The following NFIB variants were observed in gnomAD, a reference collection of about 807,000 sequenced individuals.
NFIB encodes nuclear factor 1 B-type.
A neutral mutation model predicts 61.5 loss-of-function variants in NFIB; 11 were observed. That is an observed-to-expected ratio of 0.18 (90% CI 0.11 to 0.30). The LOEUF is 0.30. Among genes scored for constraint, NFIB ranks in the 10% least tolerant of loss-of-function variants. NFIB has a pLI of 1.00. For synonymous variants in NFIB, 260 were observed against 216.5 expected (o/e 1.20, Z -1.76); for missense variants, 471 against 608.9 (o/e 0.77, Z 2.38).
At chr9:14,250,422 TA>T (rs2055464091) in intron 2 of NFIB, among the ~76,000 whole-genome samples, 1 of 152,200 alleles carries the variant, frequency 6.6e-6, no homozygotes, top group South Asian at 2.1e-4. Context: ...ATTAAAGCCT[TA>T]GCTCAAAAGG....
intron 2 of NFIB, among the ~76,000 whole-genome samples, chr9:14,232,165 A>T (rs967383371): frequency 1.3e-5 from 2 of 152,214 alleles, no homozygotes; most frequent in Non-Finnish European, 2.9e-5. Context: ...GTAAGAATGA[A>T]ATGGGTTCAT....
At chr9:14,346,220 G>T (rs1326384070) in intron 1 of NFIB, among the ~76,000 whole-genome samples, 1 of 151,966 alleles carries the variant, frequency 6.6e-6, no homozygotes, top group Non-Finnish European at 1.5e-5. Context: ...TCATGCGGAG[G>T]GGAGAGGATT....
chr9:14,507,097 G>C, the NFIB span, among the ~76,000 whole-genome samples: 1 of 152,266 alleles, frequency 6.6e-6, no homozygotes, highest in South Asian at 2.1e-4. Context: ...GCAATGCACA[G>C]TAGCTAACAA....
At chr9:14,164,703 C>A (rs1420011374) in intron 3 of NFIB, among the ~76,000 whole-genome samples, 1 of 152,036 alleles carries the variant, frequency 6.6e-6, no homozygotes, top group Non-Finnish European at 1.5e-5. Flanking sequence ...CTAAAAGTAA[C>A]CAAAATTGAG....
At chr9:14,139,637 G>A (rs1387781953) in intron 6 of NFIB, among the ~76,000 whole-genome samples, 1 of 152,114 alleles carries the variant, frequency 6.6e-6, no homozygotes, top group African/African-American at 2.4e-5. Flanking sequence ...ATATGAGCAC[G>A]ACTTTTCCAT....
intron 6 of NFIB, among the ~76,000 whole-genome samples, chr9:14,140,892 G>C (rs1329439949): frequency 6.6e-6 from 1 of 152,142 alleles, no homozygotes; most frequent in Non-Finnish European, 1.5e-5. Context: ...CCATGATCGT[G>C]CCGCTGCACT....
intron 6 of NFIB, among the ~76,000 whole-genome samples, chr9:14,137,005 T>C (rs1216283034): frequency 1.3e-5 from 2 of 152,180 alleles, no homozygotes; most frequent in Non-Finnish European, 2.9e-5. Context: ...GGCATATTTA[T>C]TATCCTAATG....
At chr9:14,454,233 T>C in the NFIB span, among the ~76,000 whole-genome samples, 2 of 152,214 alleles carry the variant, frequency 1.3e-5, no homozygotes, top group East Asian at 1.9e-4. Flanking sequence ...AATAATGTAA[T>C]TGAAAAGTTA....
At chr9:14,457,180 T>A in the NFIB span, among the ~76,000 whole-genome samples, 2 of 152,144 alleles carry the variant, frequency 1.3e-5, no homozygotes, top group East Asian at 3.8e-4. Flanking sequence ...AAAAACATAT[T>A]AGGAGCTAAT....
At chr9:14,415,906 G>A in the NFIB span, among the ~76,000 whole-genome samples, 1 of 152,152 alleles carries the variant, frequency 6.6e-6, no homozygotes, top group Non-Finnish European at 1.5e-5. Context: ...ACTGAGCCAT[G>A]AGCAAATCTG....
chr9:14,340,126 C>T (rs1371587616), intron 1 of NFIB, among the ~76,000 whole-genome samples: 5 of 152,156 alleles, frequency 3.3e-5, no homozygotes, highest in Admixed American at 6.5e-5. Context: ...AACTTTCAGT[C>T]CTGTGCTGTT....
chr9:14,251,091 C>T (rs756886741), intron 2 of NFIB, among the ~76,000 whole-genome samples: 5 of 152,098 alleles, frequency 3.3e-5, no homozygotes, highest in Non-Finnish European at 4.4e-5. Context: ...TTTTAAAAAG[C>T]AAACTAGAAA....
At position 14,272,148 on chromosome 9, in the gene NFIB, T is replaced by G. The variant is rs2057670090; in HGVS notation, c.562+34841A>C. On this transcript the variant is annotated intron_variant, in intron 2 of 10. Coordinates refer to ENST00000380953, the MANE Select transcript of NFIB (RefSeq NM_001190737.2). ...TTCATACTATTAAAAGGCGCAAGTT[T>G]CCATTATACGTTTTGAACAAACTTA... 3.3e-5 allele frequency among the ~76,000 whole-genome samples: 5 copies of G among 152,158 alleles called. No homozygotes were observed. The South Asian group carries it at 1.0e-3, about 31-fold the overall frequency.
At chr9:14,420,945 G>A in the NFIB span, among the ~76,000 whole-genome samples, 1 of 151,868 alleles carries the variant, frequency 6.6e-6, no homozygotes, top group African/African-American at 2.4e-5. Flanking sequence ...ACCACTGAGA[G>A]TAAGCCATTT....
chr9:14,163,941 T>A (rs910786847), intron 3 of NFIB, among the ~76,000 whole-genome samples: 4 of 149,412 alleles, frequency 2.7e-5, no homozygotes, highest in African/African-American at 9.8e-5. Flanking sequence ...AAATAAACCA[T>A]GAACCAAAGA....
chr9:14,271,776 A>G (rs2057643962), intron 2 of NFIB, among the ~76,000 whole-genome samples: 1 of 152,214 alleles, frequency 6.6e-6, no homozygotes, highest in African/African-American at 2.4e-5. Flanking sequence ...TAGAAAAACT[A>G]AAACTCTATA....
chr9:14,442,811 C>T, the NFIB span, among the ~76,000 whole-genome samples: 469 of 152,228 alleles, frequency 3.1e-3, 3 homozygotes, highest in African/African-American at 0.01. Context: ...TGAGGGGACA[C>T]GGCTTAACCC....
chr9:14,478,526 A>G, the NFIB span, among the ~76,000 whole-genome samples: 3 of 152,212 alleles, frequency 2.0e-5, no homozygotes, highest in Non-Finnish European at 4.4e-5. Context: ...AATTTATTAC[A>G]TTTATATAGA....
the NFIB span, among the ~76,000 whole-genome samples, chr9:14,409,548 GGGT>G: frequency 6.6e-6 from 1 of 152,298 alleles, no homozygotes; most frequent in East Asian, 1.9e-4. Flanking sequence ...AGTACTTCTA[GGGT>G]TAGAGAAGAC....
Sources: gnomAD v4.1 joint callset for allele counts (sites outside exome capture counted in the v4.1 genomes callset) on GRCh38, gnomAD v4.1.1 for gene constraint, MANE v1.5 for transcripts, NCBI Gene and HGNC (gene_info 2026-07-23, HGNC 2026-07-21) for gene names.